The following MEGF11 variants were observed in gnomAD, a reference collection of about 807,000 sequenced individuals.
MEGF11 encodes multiple EGF like domains 11.
In MEGF11, 126 loss-of-function variants were observed where a neutral mutation model predicts 146.6. The ratio of observed to expected loss-of-function variants is 0.86; its 90% CI spans 0.74 to 1.00. The LOEUF (loss-of-function observed/expected upper bound fraction) is 1.00, where lower values mean the gene tolerates loss of function less well. Among genes scored for constraint, MEGF11 ranks in the 50% least tolerant of loss-of-function variants. The probability of loss-of-function intolerance (pLI) is 0.00; values close to 1 mark genes in which losing one functional copy is unlikely to be tolerated. For missense variants in MEGF11, 1,509 were observed against 1,521.2 expected (o/e 0.99, Z 0.13); for synonymous variants, 532 against 583.4 (o/e 0.91, Z 1.27).
At chr15:66,003,936 T>G (rs2082441808) in intron 5 of MEGF11, among the ~76,000 whole-genome samples, 1 of 152,200 alleles carries the variant, frequency 6.6e-6, no homozygotes, top group South Asian at 2.1e-4. Context: ...ACAAGGCAAG[T>G]CCATTTGATT....
intron 4 of MEGF11, among the ~76,000 whole-genome samples, chr15:66,099,786 C>T (rs1486425800): frequency 6.6e-6 from 1 of 152,148 alleles, no homozygotes; most frequent in African/African-American, 2.4e-5. Context: ...GGTACCATGG[C>T]CCCTGAGCAT....
At chr15:66,237,473 A>T (rs1461895490) in intron 1 of MEGF11, among the ~76,000 whole-genome samples, 1 of 152,120 alleles carries the variant, frequency 6.6e-6, no homozygotes, top group Non-Finnish European at 1.5e-5. Flanking sequence ...CCTGCAGAGT[A>T]GTGACAATGG....
chr15:65,930,955 G>T lies in MEGF11; in HGVS notation c.1288-12C>A. On this transcript the variant is annotated splice_polypyrimidine_tract_variant and intron_variant, in intron 10 of 25. Coordinates refer to ENST00000395614, the MANE Select transcript of MEGF11 (RefSeq NM_001385028.1). ...GCACAGACCTCTCCCTGGAAAGGGA[G>T]GGGGTGAATTTTGGATCAAAGGTTG... The T allele has an allele frequency of 6.4e-7, 1 of 1,568,452 alleles. No individual in the cohort carries two copies.
chr15:66,227,826 A>G (rs1298638911), intron 1 of MEGF11, among the ~76,000 whole-genome samples: 1 of 152,182 alleles, frequency 6.6e-6, no homozygotes, highest in African/African-American at 2.4e-5. Flanking sequence ...CAGCCCACTT[A>G]GACAGTAGAT....
At chr15:66,069,428 T>C (rs1270412861) in intron 5 of MEGF11, among the ~76,000 whole-genome samples, 1 of 152,250 alleles carries the variant, frequency 6.6e-6, no homozygotes, top group African/African-American at 2.4e-5. Flanking sequence ...AGGCACCGTC[T>C]AAGTGCTTTA....
chr15:66,191,008 G>A (rs1041869869), intron 1 of MEGF11, among the ~76,000 whole-genome samples: 1 of 151,986 alleles, frequency 6.6e-6, no homozygotes, highest in Non-Finnish European at 1.5e-5. Context: ...ACCGCAGCCT[G>A]GAGAGAAACT....
In MEGF11 at chr15:66,082,503, ATC is replaced by A. The variant is rs1491251639; in HGVS notation, c.394+11897_394+11898del. On this transcript the variant is annotated intron_variant, in intron 5 of 25. Coordinates refer to ENST00000395614, the MANE Select transcript of MEGF11 (RefSeq NM_001385028.1). The stretch of plus-strand genomic sequence containing the variant: ...TATCTATCTATCTATCTATCTATCT[ATC>A]TATCTATCTATAAATAAATTAGCCA... Among the ~76,000 whole-genome samples, 599 of 136,792 alleles carry A rather than the reference ATC, an allele frequency of 4.4e-3. 7 individuals are homozygous for A. The highest frequency in any genetic ancestry group is 9.8e-3 in the African/African-American group (354 of 36,146). The allele number at this position is 136,792 out of a possible 152,430, so 89.7% of individuals were successfully genotyped here. A position where few individuals can be genotyped will look rare whatever the true frequency, so the allele number is the denominator to read the frequency against.
Position 65,990,648 on chromosome 15 carries a change from AAAG to A in MEGF11, c.395-8163_395-8161del, listed in dbSNP as rs759816325. 1.4e-4 allele frequency among the ~76,000 whole-genome samples: 22 copies of A among 151,882 alleles called. No homozygotes were observed. The East Asian group carries it at 3.5e-3, about 24-fold the overall frequency. On this transcript the variant is annotated intron_variant, in intron 5 of 25. Coordinates refer to ENST00000395614, the MANE Select transcript of MEGF11 (RefSeq NM_001385028.1). ...AGAAAAAAAGAGAAAGGAAAAGAAA[AAAG>A]AAGGAAGGGAAGGGAAGAAAGGGAA...
At chr15:66,149,849 G>T (rs565559908) in intron 1 of MEGF11, among the ~76,000 whole-genome samples, 1 of 152,232 alleles carries the variant, frequency 6.6e-6, no homozygotes, top group Admixed American at 6.5e-5. Flanking sequence ...CACTCCTGAT[G>T]ATGGCCACAC....
In MEGF11 at chr15:65,970,649, C is replaced by T. The variant is rs760247243; in HGVS notation, c.803G>A (p.Gly268Asp). 3.1e-6 allele frequency: 5 copies of T among 1,613,094 alleles called. No individual in the cohort carries two copies. In the Admixed American group the frequency reaches 5.0e-5, roughly 16 times the overall value. The change falls in exon 8 of 26, where the codon GGC (glycine) becomes GAC (aspartate). Residue 268 changes from glycine (G) to aspartate (D), a missense_variant. By Grantham distance (94) the Gly-to-Asp change is moderately conservative. Transcript: ENST00000395614. ...AGGACAATCCTGGCTGCAGTTCTGGCCAAATGTCCCTGGTGGGCAGGGCTG... is the reference window on the plus strand; with the variant it reads ...AGGACAATCCTGGCTGCAGTTCTGGTCAAATGTCCCTGGTGGGCAGGGCTG... The part of the protein sequence containing the change: ...CAQPCPPGTF[G>D]QNCSQDCPCH...
intron 10 of MEGF11, among the ~76,000 whole-genome samples, chr15:65,941,342 G>A (rs989111550): frequency 1.3e-5 from 2 of 152,148 alleles, no homozygotes; most frequent in African/African-American, 4.8e-5. Context: ...CCTAAACTTG[G>A]GAGGCTGAGG....
chr15:65,964,762 C>T, intron 9 of MEGF11, 146 bp downstream of exon 9: 2 of 734,188 alleles, frequency 2.7e-6, no homozygotes, highest in Middle Eastern at 4.0e-4. Context: ...CAAAGTGGTT[C>T]TCAGGGCTCA....
Position 65,913,763 on chromosome 15 carries a change from ATCC to A in MEGF11, c.2681_2683del (p.Arg894del). The A allele has an allele frequency of 6.2e-7, 1 of 1,613,404 alleles. No homozygotes were observed. The highest frequency in any genetic ancestry group is 8.5e-7 in the Non-Finnish European group (1 of 1,179,656). Reference sequence around the variant, plus strand: ...TGAGAGGGAGTAGTCGGTGCTGGTCATCCTCATGGCAGGTGTGTAGGAGACACG... The same window carrying A: ...TGAGAGGGAGTAGTCGGTGCTGGTCATCATGGCAGGTGTGTAGGAGACACG... On this transcript the variant is annotated inframe_deletion, in exon 20 of 26. Coordinates refer to ENST00000395614, the MANE Select transcript of MEGF11 (RefSeq NM_001385028.1).
intron 1 of MEGF11, among the ~76,000 whole-genome samples, chr15:66,138,151 T>A (rs1341164907): frequency 6.6e-6 from 1 of 152,098 alleles, no homozygotes; most frequent in Non-Finnish European, 1.5e-5. Context: ...CAGCTTACCC[T>A]CCTCCAGGCC....
chr15:66,009,932 A>G (rs1242245503), intron 5 of MEGF11, among the ~76,000 whole-genome samples: 2 of 152,114 alleles, frequency 1.3e-5, no homozygotes, highest in Non-Finnish European at 2.9e-5. Context: ...TAGGGGGAAG[A>G]AGGCTTGAAT....
At chr15:66,093,326 C>T (rs912011945) in intron 5 of MEGF11, among the ~76,000 whole-genome samples, 8 of 152,198 alleles carry the variant, frequency 5.3e-5, no homozygotes, top group African/African-American at 1.9e-4. Context: ...CTAGATATTT[C>T]CACTGCAGCA....
At chr15:66,108,985 A>G in intron 4 of MEGF11, among the ~76,000 whole-genome samples, 1 of 152,204 alleles carries the variant, frequency 6.6e-6, no homozygotes, top group Non-Finnish European at 1.5e-5. Context: ...TGCAGATGGC[A>G]GAGGCTTAAT....
rs775132246 is a variant in MEGF11 at position 65,903,950 on chromosome 15, G to A, written c.3055+2135C>T. On this transcript the variant is annotated intron_variant, in intron 24 of 25. Coordinates refer to ENST00000395614, the MANE Select transcript of MEGF11 (RefSeq NM_001385028.1). ...TCTTTTTAAAGGATGATTGTAGCCA[G>A]AGTGGTAAAATAAGATCTGGCTGGC... 2.0e-5 allele frequency among the ~76,000 whole-genome samples: 3 copies of A among 152,324 alleles called. No homozygotes were observed. The South Asian group carries it at 6.2e-4, about 32-fold the overall frequency.
chr15:66,155,778 A>G (rs2089733065), intron 1 of MEGF11, among the ~76,000 whole-genome samples: 1 of 152,084 alleles, frequency 6.6e-6, no homozygotes, highest in Non-Finnish European at 1.5e-5. Context: ...TGTCAGCTCA[A>G]CCTTGAAGGT....
Sources: gnomAD v4.1 joint callset for allele counts (sites outside exome capture counted in the v4.1 genomes callset) on GRCh38, gnomAD v4.1.1 for gene constraint, MANE v1.5 for transcripts, NCBI Gene and HGNC (gene_info 2026-07-23, HGNC 2026-07-21) for gene names.